PPARGC1A: variants seen among roughly 807,000 people sequenced by gnomAD.
The protein encoded by PPARGC1A is PPARG coactivator 1 alpha.
PPARGC1A carries 25 observed loss-of-function variants against 88.7 expected under a neutral mutation model. The observed-to-expected ratio is 0.28, with a 90% CI of 0.21 to 0.39. PPARGC1A has a LOEUF of 0.39. Ranked by LOEUF, PPARGC1A falls within the 10% of genes least tolerant of loss-of-function variation. The pLI, the probability that PPARGC1A is intolerant of heterozygous loss-of-function variation, is 1.00. For missense variants in PPARGC1A, 880 were observed against 968.7 expected (o/e 0.91, Z 1.22); for synonymous variants, 363 against 355.6 (o/e 1.02, Z -0.24).
At chr4:24,320,764 C>T in the PPARGC1A span, among the ~76,000 whole-genome samples, 1 of 152,192 alleles carries the variant, frequency 6.6e-6, no homozygotes, top group Non-Finnish European at 1.5e-5. Flanking sequence ...GACCCTCTTA[C>T]AGATTCGATT....
At chr4:23,972,515 A>G in the PPARGC1A span, among the ~76,000 whole-genome samples, 1 of 152,212 alleles carries the variant, frequency 6.6e-6, no homozygotes, top group East Asian at 1.9e-4. Flanking sequence ...ACATGTGCTT[A>G]CTTTTCAGAC....
the PPARGC1A span, among the ~76,000 whole-genome samples, chr4:24,446,484 A>T: frequency 1.3e-5 from 2 of 152,132 alleles, no homozygotes; most frequent in African/African-American, 4.8e-5. Flanking sequence ...CTTCAAGGGG[A>T]AAGAGGAGAC....
chr4:24,056,888 T>C, the PPARGC1A span, among the ~76,000 whole-genome samples: 1 of 152,178 alleles, frequency 6.6e-6, no homozygotes, highest in Non-Finnish European at 1.5e-5. Context: ...AAAAACAGCA[T>C]GGTGGTTCCT....
At chr4:24,083,457 C>G in the PPARGC1A span, among the ~76,000 whole-genome samples, 1 of 152,184 alleles carries the variant, frequency 6.6e-6, no homozygotes, top group Non-Finnish European at 1.5e-5. Flanking sequence ...CAAACATAAC[C>G]ACACATTTAC....
the PPARGC1A span, among the ~76,000 whole-genome samples, chr4:24,251,578 C>T: frequency 6.6e-6 from 1 of 152,204 alleles, no homozygotes; most frequent in Non-Finnish European, 1.5e-5. Flanking sequence ...TAAATATAAT[C>T]ACAGACATTT....
the PPARGC1A span, among the ~76,000 whole-genome samples, chr4:24,207,359 A>T: frequency 6.6e-6 from 1 of 152,228 alleles, no homozygotes; most frequent in South Asian, 2.1e-4. Flanking sequence ...CAAACACAAA[A>T]CAGGCCCTAA....
chr4:23,839,920 C>T (rs1022958129), intron 2 of PPARGC1A, among the ~76,000 whole-genome samples: 2 of 152,036 alleles, frequency 1.3e-5, no homozygotes, highest in African/African-American at 4.8e-5. Context: ...AGTCATCTCC[C>T]CCGAGGTCCC....
chr4:24,367,312 T>C, the PPARGC1A span, among the ~76,000 whole-genome samples: 1 of 152,094 alleles, frequency 6.6e-6, no homozygotes, highest in African/African-American at 2.4e-5. Flanking sequence ...GCCAAATTAT[T>C]CCCAAGAACT....
chr4:23,820,000 A>T (rs1003013647), intron 7 of PPARGC1A, among the ~76,000 whole-genome samples: 1 of 152,174 alleles, frequency 6.6e-6, no homozygotes, highest in Non-Finnish European at 1.5e-5. Flanking sequence ...GTCAATATTT[A>T]TGCTGTTTGT....
At chr4:24,056,560 C>T in the PPARGC1A span, among the ~76,000 whole-genome samples, 1 of 152,060 alleles carries the variant, frequency 6.6e-6, no homozygotes, top group South Asian at 2.1e-4. Flanking sequence ...GTCGATATGG[C>T]CAGCACATAG....
chr4:24,153,668 A>C, the PPARGC1A span, among the ~76,000 whole-genome samples: 1 of 152,168 alleles, frequency 6.6e-6, no homozygotes, highest in Admixed American at 6.6e-5. Flanking sequence ...ACATTTCCCC[A>C]TGTTCTTCAT....
At chr4:24,171,625 C>T in the PPARGC1A span, among the ~76,000 whole-genome samples, 1 of 152,142 alleles carries the variant, frequency 6.6e-6, no homozygotes, top group African/African-American at 2.4e-5. Flanking sequence ...GCACTTGTCA[C>T]TAAATATAAA....
chr4:23,878,167 A>G (rs1013062334), intron 2 of PPARGC1A, among the ~76,000 whole-genome samples: 1 of 152,154 alleles, frequency 6.6e-6, no homozygotes, highest in African/African-American at 2.4e-5. Flanking sequence ...GGAAAAACCT[A>G]CAATAAGCCC....
the PPARGC1A span, among the ~76,000 whole-genome samples, chr4:24,430,884 G>A: frequency 6.6e-6 from 1 of 152,088 alleles, no homozygotes; most frequent in Non-Finnish European, 1.5e-5. Flanking sequence ...CTGGGAGGCT[G>A]AGGCAGGCGG....
the PPARGC1A span, among the ~76,000 whole-genome samples, chr4:23,962,464 T>C: frequency 1.2e-4 from 19 of 152,116 alleles, no homozygotes; most frequent in Non-Finnish European, 2.4e-4. Flanking sequence ...ACTAAGAAGA[T>C]ACCACTCGAG....
At chr4:23,969,913 G>A in the PPARGC1A span, among the ~76,000 whole-genome samples, 3 of 152,276 alleles carry the variant, frequency 2.0e-5, no homozygotes, top group Middle Eastern at 3.4e-3. Flanking sequence ...CTCCCGGGAT[G>A]GGGGAGGACT....
At chr4:24,284,087 A>G in the PPARGC1A span, among the ~76,000 whole-genome samples, 190 of 150,374 alleles carry the variant, frequency 1.3e-3, 1 homozygote, top group Middle Eastern at 6.8e-3. Flanking sequence ...GTTCAAAACC[A>G]GCCTGGCCAA....
chr4:24,325,857 A>G, the PPARGC1A span, among the ~76,000 whole-genome samples: 3 of 152,176 alleles, frequency 2.0e-5, no homozygotes, highest in African/African-American at 4.8e-5. Context: ...GGGTATTGAC[A>G]GCCAGGCTTC....
chr4:24,316,183 G>A, the PPARGC1A span, among the ~76,000 whole-genome samples: 10 of 152,312 alleles, frequency 6.6e-5, no homozygotes, highest in South Asian at 2.1e-4. Context: ...CAATGCAAGC[G>A]TCCAGCCAAA....
Sources: allele counts gnomAD v4.1 joint callset (sites outside exome capture counted in the v4.1 genomes callset), GRCh38; gene constraint gnomAD v4.1.1; transcripts MANE v1.5; gene names NCBI Gene and HGNC (gene_info 2026-07-23, HGNC 2026-07-21).